Variants in HPS5 observed in about 807,000 individuals in gnomAD.
HPS5 encodes the protein BLOC-2 complex member HPS5.
In HPS5, 83 loss-of-function variants were observed where a neutral mutation model predicts 128.0. That is an observed-to-expected ratio of 0.65 (90% CI 0.54 to 0.78). The LOEUF (loss-of-function observed/expected upper bound fraction) is 0.78, where lower values mean the gene tolerates loss of function less well. Ranked by LOEUF, HPS5 falls within the 30% of genes least tolerant of loss-of-function variation. The probability of loss-of-function intolerance (pLI) is 0.00; values close to 1 mark genes in which losing one functional copy is unlikely to be tolerated. For synonymous variants in HPS5, 475 were observed against 470.2 expected, an observed-to-expected ratio of 1.01 and a Z score of -0.13; for missense variants, 1,281 against 1,326.2, an observed-to-expected ratio of 0.97 and a Z score of 0.53.
In HPS5 at chr11:18,285,427, C is replaced by A. The variant is rs747358888; in HGVS notation, c.2870G>T (p.Ser957Ile). ...TTTAATTAGATGAAGGATCAGCTGA[C>A]TGTAACCCCAGGAAAGCAAGTGTGA... Reference protein sequence around the residue: ...PHSHLLSWGYSQLILHLIKLP... With the variant: ...PHSHLLSWGYIQLILHLIKLP... The change falls in exon 20 of 23, where the codon AGT becomes ATT. Residue 957 changes from serine (S) to isoleucine (I), a missense_variant. Coordinates refer to ENST00000349215, the MANE Select transcript of HPS5 (RefSeq NM_181507.2). The A allele has an allele frequency of 6.2e-7, 1 of 1,613,250 alleles. No individual in the cohort carries two copies. Among genetic ancestry groups the A allele is most frequent in the South Asian group, 1.1e-5 (1 of 91,064 alleles).
At position 18,279,172 on chromosome 11, in the gene HPS5, T is replaced by G. The variant is rs1271932550; in HGVS notation, c.*710A>C. The G allele has an allele frequency of 1.3e-5, 2 of 152,278 alleles. No homozygotes were observed. Among genetic ancestry groups the G allele is most frequent in the Non-Finnish European group, 2.9e-5 (2 of 68,074 alleles). 9.4% of individuals were successfully genotyped at this position (152,278 alleles called of 1,614,324 possible). On this transcript the variant is annotated 3_prime_UTR_variant, in exon 23 of 23. Transcript: ENST00000349215. ...AACACATCTCATTGCGGCCTGGACC[T>G]CCTGGCCTCAGGTACTATGCCTAGC...
At position 18,295,997 on chromosome 11, in the gene HPS5, A is replaced by G; in HGVS notation, c.1634+2T>C. 6.2e-7 allele frequency: 1 copy of G among 1,613,202 alleles called. No homozygotes were observed. Among genetic ancestry groups the G allele is most frequent in the African/African-American group, 1.3e-5 (1 of 75,052 alleles). On this transcript the variant is annotated splice_donor_variant, in intron 13 of 22. Transcript: ENST00000349215. LOFTEE classifies it high-confidence loss of function. ...ATTAAATGACAAGACTAATTGGTTTACCTTTCTTTGACAGCCTGAAGAGAC... is the reference window on the plus strand; with the variant it reads ...ATTAAATGACAAGACTAATTGGTTTGCCTTTCTTTGACAGCCTGAAGAGAC...
intron 16 of HPS5, among the ~76,000 whole-genome samples, chr11:18,289,761 T>C (rs990212338): frequency 3.3e-5 from 5 of 152,224 alleles, no homozygotes; most frequent in Admixed American, 6.5e-5. Flanking sequence ...AAATATGGCA[T>C]CTGTTATTCA....
rs1485202998 is a variant in HPS5, at chr11:18,311,479, TA to T, written c.220-29del. On this transcript the variant is annotated intron_variant, in intron 3 of 22. Transcript: ENST00000349215. ...AGAGCACAAAAGAAAATACATTTTT[TA>T]AATCTCAAGTTTTACATTATTATTA... 5 of 1,402,406 alleles carry T rather than the reference TA, an allele frequency of 3.6e-6. No individual in the cohort carries two copies. The East Asian group carries it at 1.2e-4, about 33-fold the overall frequency. The allele number at this position is 1,402,406 out of a possible 1,614,324, so 86.9% of individuals were successfully genotyped here.
At position 18,298,785 on chromosome 11, in the gene HPS5, G is replaced by A; in HGVS notation, c.1164+7C>T. On this transcript the variant is annotated splice_region_variant and intron_variant, in intron 10 of 22. Transcript: ENST00000349215. ...TGGTAAAGATGTCTAGGTAAGCTCT[G>A]ACTCACTCTGCTGGCAATGACAGAA... is the stretch of plus-strand genomic sequence containing the variant. 6.2e-7 allele frequency: 1 copy of A among 1,613,736 alleles called. No individual in the cohort carries two copies. Among genetic ancestry groups the A allele is most frequent in the Non-Finnish European group, 8.5e-7 (1 of 1,179,720 alleles).
At chr11:18,282,328 CA>C in intron 21 of HPS5, 108 bp from the exon 22 acceptor site, 1 of 1,240,978 alleles carries the variant, frequency 8.1e-7, no homozygotes, top group East Asian at 2.3e-5. Context: ...TAAAAATATT[CA>C]AGAACACAAT....
intron 2 of HPS5, among the ~76,000 whole-genome samples, chr11:18,314,980 A>G (rs1863449052): frequency 6.6e-6 from 1 of 152,188 alleles, no homozygotes; most frequent in Non-Finnish European, 1.5e-5. Flanking sequence ...GATTACAGGC[A>G]TGAGCCACCA....
intron 16 of HPS5, 141 bp from the exon 17 acceptor site, chr11:18,288,154 C>G: frequency 1.3e-6 from 1 of 769,100 alleles, no homozygotes; most frequent in Admixed American, 2.8e-5. Context: ...TTAAGCATTA[C>G]AAGAGAAACA....
At chr11:18,314,521 T>A (rs936613060) in intron 2 of HPS5, 1 of 148,656 alleles carries the variant, frequency 6.7e-6, no homozygotes, top group Non-Finnish European at 1.5e-5. Flanking sequence ...AGAGCAAGAC[T>A]ACATCTCAAA....
At position 18,296,600 on chromosome 11, in the gene HPS5, G is replaced by A. The variant is rs147115881; in HGVS notation, c.1510+198C>T. The A allele has an allele frequency of 8.8e-4, 607 of 690,952 alleles. 4 individuals carry two copies. In the African/African-American group the frequency reaches 9.6e-3, roughly 11 times the overall value. The allele number at this position is 690,952 out of a possible 1,614,324, so 42.8% of individuals were successfully genotyped here. On this transcript the variant is annotated intron_variant, in intron 12 of 22. Coordinates refer to ENST00000349215, the MANE Select transcript of HPS5 (RefSeq NM_181507.2). ...AACAGGCCCTAATGTTAGTCCAAAC[G>A]TGAGGGGAAAAAATACTAAACATAA... is the stretch of plus-strand genomic sequence containing the variant.
chr11:18,288,167 T>C (rs979125773), intron 16 of HPS5, among the ~76,000 whole-genome samples, 154 bp from the exon 17 acceptor site: 4 of 152,190 alleles, frequency 2.6e-5, no homozygotes, highest in African/African-American at 7.2e-5. Flanking sequence ...GAGAAACAAA[T>C]AAAAGTACAA....
intron 14 of HPS5, among the ~76,000 whole-genome samples, chr11:18,294,098 C>G (rs1467975374): frequency 6.6e-6 from 1 of 152,098 alleles, no homozygotes; most frequent in Non-Finnish European, 1.5e-5. Context: ...AAGGCAGAAG[C>G]CAGAGAGACA....
Position 18,297,630 on chromosome 11 carries a change from C to G in HPS5, c.1252G>C (p.Glu418Gln). 1 of 1,613,784 alleles carries G rather than the reference C, an allele frequency of 6.2e-7. No individual in the cohort carries two copies. Among genetic ancestry groups the G allele is most frequent in the Non-Finnish European group, 8.5e-7 (1 of 1,179,666 alleles). Residue 418 changes from glutamate to glutamine, a missense_variant, in exon 11 of 23, where the codon GAA becomes CAA. Transcript: ENST00000349215. ...GGTTCAAATTTTAAGATCAATTCTTCCAGTTGAGAAATTAGATCATTGTAG... is the reference window on the plus strand; with the variant it reads ...GGTTCAAATTTTAAGATCAATTCTTGCAGTTGAGAAATTAGATCATTGTAG... The part of the protein sequence containing the change: ...GTYNDLISQL[E>Q]ELILKFEPLD...
At chr11:18,307,274 T>C (rs868498782) in intron 6 of HPS5, among the ~76,000 whole-genome samples, 1 of 152,234 alleles carries the variant, frequency 6.6e-6, no homozygotes, top group African/African-American at 2.4e-5. Context: ...ATATGCTCTC[T>C]AGCATGAATT....
intron 19 of HPS5, 118 bp downstream of exon 19, chr11:18,286,473 T>C: frequency 2.0e-6 from 2 of 1,005,834 alleles, no homozygotes; most frequent in Non-Finnish European, 2.9e-6. Context: ...GCCTAGGAGG[T>C]CAAGGCTGCA....
chr11:18,313,932 G>A (rs954944360), intron 2 of HPS5, among the ~76,000 whole-genome samples: 4 of 140,986 alleles, frequency 2.8e-5, no homozygotes, highest in African/African-American at 5.1e-5. Context: ...AAAAAAGGCC[G>A]GGTGCGGTGG....
Position 18,311,929 on chromosome 11 carries a change from A to T in HPS5, c.204T>A (p.Leu68=), listed in dbSNP as rs781002605. ...LIQKEGWKHR[L]FLSHREGAIS... is the part of the protein sequence containing the mutation. ...TTAATCTTACCCTGTGTGAAAGAAA[A>T]AGCCTGTGCTTCCAGCCTTCTTTCT... is the stretch of plus-strand genomic sequence containing the variant. Residue 68 remains leucine, a synonymous_variant, in exon 3 of 23, where the codon CTT becomes CTA. Transcript: ENST00000349215. 1 of 1,612,732 alleles carries T rather than the reference A, an allele frequency of 6.2e-7. No individual in the cohort carries two copies. Among genetic ancestry groups the T allele is most frequent in the East Asian group, 2.2e-5 (1 of 44,878 alleles).
intron 22 of HPS5, chr11:18,280,692 A>G (rs1246535827): frequency 3.2e-6 from 2 of 620,794 alleles, no homozygotes; most frequent in Non-Finnish European, 5.8e-6. Context: ...TATACAACGG[A>G]ATATTATTCA....
At chr11:18,315,415 C>T (rs577517479) in intron 2 of HPS5, among the ~76,000 whole-genome samples, 12 of 152,024 alleles carry the variant, frequency 7.9e-5, no homozygotes, top group Non-Finnish European at 1.6e-4. Context: ...GAGTTTGGGA[C>T]GAGCCTGGCC....
Sources: gnomAD v4.1 joint callset for allele counts (sites outside exome capture counted in the v4.1 genomes callset) on GRCh38, gnomAD v4.1.1 for gene constraint, MANE v1.5 for transcripts, NCBI Gene and HGNC (gene_info 2026-07-23, HGNC 2026-07-21) for gene names.